SPEF2: variants seen among roughly 807,000 people sequenced by gnomAD.
SPEF2 encodes the protein sperm flagella and cilia-associated protein 2.
A neutral mutation model predicts 224.6 loss-of-function variants in SPEF2; 187 were observed. The ratio of observed to expected loss-of-function variants is 0.83; its 90% CI spans 0.74 to 0.94. The LOEUF is 0.94. Ranked by LOEUF, SPEF2 falls within the 40% of genes least tolerant of loss-of-function variation. The pLI is 0.00. For missense variants in SPEF2, 2,170 were observed against 2,135.6 expected (o/e 1.02, Z -0.32); for synonymous variants, 715 against 707.3 (o/e 1.01, Z -0.17).
intron 29 of SPEF2, 125 bp downstream of exon 29, chr5:35,776,520 A>G: frequency 1.0e-6 from 1 of 961,654 alleles, no homozygotes. Context: ...CTTTTAGGAA[A>G]TCACGTGTAT....
At chr5:35,769,975 C>T (rs1453506837) in intron 26 of SPEF2, among the ~76,000 whole-genome samples, 2 of 145,916 alleles carry the variant, frequency 1.4e-5, no homozygotes, top group East Asian at 4.0e-4. Context: ...CCCTGTGTTG[C>T]TACTGCCTCC....
At chr5:35,735,207 C>A (rs562460118) in intron 21 of SPEF2, among the ~76,000 whole-genome samples, 2 of 152,220 alleles carry the variant, frequency 1.3e-5, no homozygotes, top group East Asian at 3.9e-4. Context: ...ATAGGATGAC[C>A]ACTTAGTGAA....
At chr5:35,813,259 G>A (rs1206101865) in intron 36 of SPEF2, among the ~76,000 whole-genome samples, 1 of 152,174 alleles carries the variant, frequency 6.6e-6, no homozygotes, top group Non-Finnish European at 1.5e-5. Flanking sequence ...TTGGGAGGCT[G>A]AGGTGGGAGG....
intron 23 of SPEF2, among the ~76,000 whole-genome samples, chr5:35,741,294 G>A (rs931733449): frequency 6.6e-6 from 1 of 152,238 alleles, no homozygotes; most frequent in East Asian, 1.9e-4. Flanking sequence ...AAATCTCACT[G>A]AGAAGGCGAC....
rs1561305754 is a variant in SPEF2 at position 35,751,082 on chromosome 5, C to CGTATATATATATAT, written c.3331-2542_3331-2541insGTATATATATATAT. On this transcript the variant is annotated intron_variant, in intron 23 of 36. Transcript: ENST00000356031. ...GTATATATATGTATATATATATACA[C>CGTATATATATATAT]ACACACACACACACATATATATATA... Among the ~76,000 whole-genome samples the CGTATATATATATAT allele has an allele frequency of 5.7e-4, 7 of 12,214 alleles. 1 individual carries two copies. The highest frequency in any genetic ancestry group is 1.4e-3 in the African/African-American group (7 of 5,184). The allele number at this position is 12,214 out of a possible 152,430, so 8.0% of individuals were successfully genotyped here.
chr5:35,778,084 C>T (rs1002899873), intron 29 of SPEF2, among the ~76,000 whole-genome samples: 1 of 152,084 alleles, frequency 6.6e-6, no homozygotes. Flanking sequence ...TGAAAGACAG[C>T]AACTAATGCT....
At chr5:35,701,019 G>T (rs1305797943) in intron 16 of SPEF2, among the ~76,000 whole-genome samples, 2 of 152,118 alleles carry the variant, frequency 1.3e-5, no homozygotes, top group Non-Finnish European at 2.9e-5. Flanking sequence ...CTGGCATTGG[G>T]GTGTTTTTTT....
rs1170222040 is a variant in SPEF2, at chr5:35,814,491, G to A, written c.5407G>A (p.Glu1803Lys). The A allele has an allele frequency of 1.2e-6, 2 of 1,607,814 alleles. No homozygotes were observed. Among genetic ancestry groups the A allele is most frequent in the Admixed American group, 1.7e-5 (1 of 59,362 alleles). The change falls in exon 37 of 37, where the codon GAA becomes AAA. Residue 1803 changes from glutamate (E) to lysine (K), a missense_variant. Coordinates refer to ENST00000356031, the MANE Select transcript of SPEF2 (RefSeq NM_024867.4). ...PDIKIILQRS[E>K]HVQGSDGERS... The stretch of plus-strand genomic sequence containing the variant: ...TATTAAAATAATTCTCCAAAGGAGT[G>A]AACATGTACAAGGAAGTGATGGAGA...
chr5:35,735,241 T>G (rs1746377783), intron 21 of SPEF2, among the ~76,000 whole-genome samples: 1 of 152,182 alleles, frequency 6.6e-6, no homozygotes, highest in Non-Finnish European at 1.5e-5. Context: ...ATTTACTCAT[T>G]GGTTTGGACA....
rs1244313782 is a variant in SPEF2, at chr5:35,744,596, A to ATTTTGT, written c.3330+4329_3330+4330insTTTTGT. ...AAAGAACTAGAATCAAGGTCTCCAG[A>ATTTTGT]GCCCTGCTTTTGTGCTTTTTCCTCT... On this transcript the variant is annotated intron_variant, in intron 23 of 36. Coordinates refer to ENST00000356031, the MANE Select transcript of SPEF2 (RefSeq NM_024867.4). Among the ~76,000 whole-genome samples, 13 of 152,300 alleles carry ATTTTGT rather than the reference A, an allele frequency of 8.5e-5. No homozygotes were observed. The East Asian group carries it at 2.5e-3, about 29-fold the overall frequency.
chr5:35,789,209 G>A (rs1755612727), intron 30 of SPEF2: 2 of 702,820 alleles, frequency 2.8e-6, no homozygotes, highest in African/African-American at 3.5e-5. Flanking sequence ...AGAACTTCTG[G>A]AGTCCCTTCT....
rs192702862 is a variant in SPEF2, at chr5:35,689,689, T to C, written c.1525-1348T>C. Among the ~76,000 whole-genome samples, 4 of 152,310 alleles carry C rather than the reference T, an allele frequency of 2.6e-5. No individual in the cohort carries two copies. The East Asian group carries it at 7.7e-4, about 29-fold the overall frequency. Reference sequence around the variant, plus strand: ...TGCTGCTAAGGACAAGATATCATTATTTTTTATGGCTGTGCACTATTCCAT... The same window carrying C: ...TGCTGCTAAGGACAAGATATCATTACTTTTTATGGCTGTGCACTATTCCAT... On this transcript the variant is annotated intron_variant, in intron 10 of 36. Coordinates refer to ENST00000356031, the MANE Select transcript of SPEF2 (RefSeq NM_024867.4).
chr5:35,691,661 C>G lies in SPEF2; in HGVS notation c.1744+405C>G, dbSNP rs927151851. 3.3e-5 allele frequency among the ~76,000 whole-genome samples: 5 copies of G among 152,252 alleles called. No individual in the cohort carries two copies. The South Asian group carries it at 8.3e-4, about 25-fold the overall frequency. On this transcript the variant is annotated intron_variant, in intron 11 of 36. Transcript: ENST00000356031. ...TTCCTTTTAGGGTGATTAAAAATTT[C>G]AGGAACAAAATAATGGTGATGGTTG...
chr5:35,811,915 G>T (rs998042577), intron 36 of SPEF2, among the ~76,000 whole-genome samples: 3 of 151,854 alleles, frequency 2.0e-5, no homozygotes, highest in African/African-American at 7.3e-5. Context: ...CTCCCGAGTA[G>T]CTGGGACTAC....
intron 30 of SPEF2, chr5:35,789,776 A>G (rs987321054): frequency 2.6e-5 from 18 of 701,704 alleles, no homozygotes; most frequent in Non-Finnish European, 4.4e-5. Context: ...TATATATGTG[A>G]CTATTTTTGG....
At chr5:35,626,935 A>G (rs1486483414) in intron 1 of SPEF2, among the ~76,000 whole-genome samples, 1 of 152,108 alleles carries the variant, frequency 6.6e-6, no homozygotes, top group African/African-American at 2.4e-5. Flanking sequence ...GCTTCTACAA[A>G]TCATGAAGAA....
chr5:35,791,442 T>C (rs1468968713), intron 30 of SPEF2: 3 of 152,174 alleles, frequency 2.0e-5, no homozygotes, highest in African/African-American at 7.2e-5. Context: ...GCTAAAAACT[T>C]TGATGTAAAA....
At chr5:35,648,118 C>G (rs1040280670) in intron 5 of SPEF2, among the ~76,000 whole-genome samples, 15 of 152,090 alleles carry the variant, frequency 9.9e-5, no homozygotes, top group Non-Finnish European at 2.2e-4. Context: ...TATTATTTTT[C>G]CCATTTCGTA....
intron 10 of SPEF2, among the ~76,000 whole-genome samples, chr5:35,678,906 A>T (rs935648887): frequency 6.6e-6 from 1 of 152,190 alleles, no homozygotes; most frequent in Non-Finnish European, 1.5e-5. Context: ...GAAGATAAAT[A>T]ACCACACTTT....
Sources: allele counts gnomAD v4.1 joint callset (sites outside exome capture counted in the v4.1 genomes callset), GRCh38; gene constraint gnomAD v4.1.1; transcripts MANE v1.5; gene names NCBI Gene and HGNC (gene_info 2026-07-23, HGNC 2026-07-21).